Variants in RAB27A observed in about 807,000 individuals in gnomAD.
RAB27A encodes the protein RAB27A, member RAS oncogene family.
A neutral mutation model predicts 20.8 loss-of-function variants in RAB27A; 17 were observed. That is an observed-to-expected ratio of 0.82 (90% CI 0.56 to 1.23). The LOEUF (loss-of-function observed/expected upper bound fraction) is 1.23, where lower values mean the gene tolerates loss of function less well. RAB27A is among the 50% of genes most tolerant of loss of function. The pLI, the probability that RAB27A is intolerant of heterozygous loss-of-function variation, is 0.00. For missense variants in RAB27A, 277 were observed against 266.7 expected (o/e 1.04, Z -0.27); for synonymous variants, 85 against 92.8 (o/e 0.92, Z 0.48).
At chr15:55,249,430 A>T (rs540773532) in intron 2 of RAB27A, among the ~76,000 whole-genome samples, 2 of 152,216 alleles carry the variant, frequency 1.3e-5, no homozygotes, top group African/African-American at 4.8e-5. Flanking sequence ...ATGCACCACC[A>T]AAAATGGATA....
chr15:55,245,982 G>A (rs1896669569), intron 2 of RAB27A, among the ~76,000 whole-genome samples: 1 of 151,990 alleles, frequency 6.6e-6, no homozygotes, highest in South Asian at 2.1e-4. Context: ...TACTCAGGAG[G>A]GTGAGGCAGG....
chr15:55,312,523 A>C (rs926212989), intron 2 of RAB27A, among the ~76,000 whole-genome samples: 1 of 152,216 alleles, frequency 6.6e-6, no homozygotes, highest in Admixed American at 6.5e-5. Context: ...GTAGTGTATG[A>C]AGCTTCCAAT....
chr15:55,205,712 G>T lies in RAB27A; in HGVS notation c.468-7C>A, dbSNP rs201831252. 2.0e-5 allele frequency: 32 copies of T among 1,609,438 alleles called. No individual in the cohort carries two copies. The highest frequency in any genetic ancestry group is 4.0e-5 in the African/African-American group (3 of 74,790). On this transcript the variant is annotated splice_polypyrimidine_tract_variant and splice_region_variant and intron_variant, in intron 6 of 6. Transcript: ENST00000336787. ...AGTTTCAAAGTAGGGGATTCTGGAA[G>T]ACAGAGACAACTGAGGTAACAACAT... is the stretch of plus-strand genomic sequence containing the variant.
At chr15:55,262,110 T>C (rs1897290531) in intron 2 of RAB27A, among the ~76,000 whole-genome samples, 1 of 152,188 alleles carries the variant, frequency 6.6e-6, no homozygotes, top group African/African-American at 2.4e-5. Flanking sequence ...ATTGATACTT[T>C]GTTTTTGTCA....
intron 6 of RAB27A, among the ~76,000 whole-genome samples, chr15:55,210,843 C>G (rs529051492): frequency 1.3e-5 from 2 of 152,048 alleles, no homozygotes; most frequent in Non-Finnish European, 2.9e-5. Flanking sequence ...TTTGTCCAGA[C>G]GAATGACCTG....
intron 5 of RAB27A, among the ~76,000 whole-genome samples, chr15:55,226,640 C>A (rs916858960): frequency 1.3e-5 from 2 of 151,898 alleles, no homozygotes; most frequent in East Asian, 1.9e-4. Flanking sequence ...GAGGCTGAGG[C>A]GCGTGGATCA....
At chr15:55,290,261 C>T (rs907779334), upstream of RAB27A, 2 of 152,236 alleles carry the variant, frequency 1.3e-5, no homozygotes, top group African/African-American at 4.8e-5. Flanking sequence ...CCGGCCCCGC[C>T]CGAGGTTCCC....
chr15:55,231,366 A>G (rs1354256999), intron 3 of RAB27A, among the ~76,000 whole-genome samples: 1 of 152,200 alleles, frequency 6.6e-6, no homozygotes, highest in Non-Finnish European at 1.5e-5. Context: ...TTTATAGACA[A>G]CACTCCTAGA....
chr15:55,292,528 G>C (rs1256065240), upstream of RAB27A, among the ~76,000 whole-genome samples: 1 of 152,246 alleles, frequency 6.6e-6, no homozygotes, highest in Non-Finnish European at 1.5e-5. Flanking sequence ...ATTTAGGAGA[G>C]TGAATCAAGA....
At chr15:55,223,868 C>T (rs1375528934) in intron 6 of RAB27A, 21 bp downstream of exon 6, 3 of 1,612,220 alleles carry the variant, frequency 1.9e-6, no homozygotes, top group South Asian at 2.2e-5. Flanking sequence ...TTTCTCTAGA[C>T]TTCTCCACAA....
At chr15:55,258,639 C>T (rs779730350) in intron 2 of RAB27A, among the ~76,000 whole-genome samples, 3 of 152,218 alleles carry the variant, frequency 2.0e-5, no homozygotes, top group Non-Finnish European at 2.9e-5. Context: ...AGTTGTTTTA[C>T]ACTCCCAACT....
At chr15:55,278,813 G>A (rs1327997730) in intron 1 of RAB27A, among the ~76,000 whole-genome samples, 3 of 152,278 alleles carry the variant, frequency 2.0e-5, no homozygotes, top group Admixed American at 6.5e-5. Flanking sequence ...AATTCAGTAC[G>A]TTGACATGGG....
intron 2 of RAB27A, 196 bp downstream of exon 2, chr15:55,269,969 C>T (rs755333284): frequency 6.6e-6 from 1 of 152,182 alleles, no homozygotes; most frequent in Middle Eastern, 3.4e-3. Flanking sequence ...TATTCATACC[C>T]ACTCCGTGGT....
At chr15:55,296,021 C>T (rs952326773) in intron 2 of RAB27A, among the ~76,000 whole-genome samples, 1 of 151,404 alleles carries the variant, frequency 6.6e-6, no homozygotes, top group African/African-American at 2.4e-5. Flanking sequence ...CTCAGCCTCT[C>T]GAGTAGCTGG....
chr15:55,313,991 T>C, intron 2 of RAB27A: 1 of 150,442 alleles, frequency 6.6e-6, no homozygotes, highest in Non-Finnish European at 1.4e-5. Flanking sequence ...AATAAATAAA[T>C]AAATAAATAA....
At chr15:55,300,860 ACTTAGAG>A (rs60546902) in intron 2 of RAB27A, among the ~76,000 whole-genome samples, 41,295 of 151,804 alleles carry the variant, frequency 0.27, 6,805 homozygotes, top group East Asian at 0.55. Flanking sequence ...GACTTCATAG[ACTTAGAG>A]CCCAGTGATT....
chr15:55,315,676 G>A (rs916270053), intron 1 of RAB27A, among the ~76,000 whole-genome samples: 1 of 152,296 alleles, frequency 6.6e-6, no homozygotes, highest in South Asian at 2.1e-4. Context: ...CTTGTCATTA[G>A]AGAAATGCAA....
exon 1 of RAB27A, chr15:55,319,035 AC>A (rs1354775894): frequency 7.3e-6 from 4 of 549,278 alleles, no homozygotes; most frequent in Non-Finnish European, 1.2e-5. Context: ...GAGCACAGAG[AC>A]CGCCAAGCCA....
intron 5 of RAB27A, among the ~76,000 whole-genome samples, chr15:55,227,674 C>T (rs895437496): frequency 1.3e-5 from 2 of 152,072 alleles, no homozygotes; most frequent in African/African-American, 4.8e-5. Flanking sequence ...AACACTGACC[C>T]GAATCTTTGC....
Sources: gnomAD v4.1 joint callset for allele counts (sites outside exome capture counted in the v4.1 genomes callset) on GRCh38, gnomAD v4.1.1 for gene constraint, MANE v1.5 for transcripts, NCBI Gene and HGNC (gene_info 2026-07-23, HGNC 2026-07-21) for gene names.